The following PDIK1L variants were observed in gnomAD, a reference collection of about 807,000 sequenced individuals.
PDIK1L encodes the protein serine/threonine-protein kinase PDIK1L.
PDIK1L carries 9 observed loss-of-function variants against 27.1 expected under a neutral mutation model. The observed-to-expected ratio is 0.33, with a 90% confidence interval of 0.20 to 0.58. The LOEUF is 0.58. PDIK1L is among the 20% of genes least tolerant of loss of function. The pLI, the probability that PDIK1L is intolerant of heterozygous loss-of-function variation, is 0.86. For synonymous variants in PDIK1L, 130 were observed against 141.7 expected, an observed-to-expected ratio of 0.92 and a Z score of 0.59; for missense variants, 216 against 413.2, an observed-to-expected ratio of 0.52 and a Z score of 4.14.
chr1:26,119,424 T>A (rs61776592), intron 2 of PDIK1L, among the ~76,000 whole-genome samples: 25,058 of 149,464 alleles, frequency 0.17, 2,236 homozygotes, highest in Middle Eastern at 0.25. Context: ...TCTCTCTCTC[T>A]CACACACACA....
rs1236645453 is a variant in PDIK1L at position 26,125,544 on chromosome 1, CTG to C, written c.*2968_*2969del. The C allele has an allele frequency of 6.9e-6, 1 of 145,430 alleles. No individual in the cohort carries two copies. Among genetic ancestry groups the C allele is most frequent in the African/African-American group, 2.6e-5 (1 of 39,130 alleles). The allele number at this position is 145,430 out of a possible 1,614,324, so 9.0% of individuals were successfully genotyped here. On this transcript the variant is annotated 3_prime_UTR_variant, in exon 3 of 3. Coordinates refer to ENST00000374269, the MANE Select transcript of PDIK1L (RefSeq NM_152835.5). ...AAAGTGAGTTTCAACAAAAAAAAAACTGAAAATTCTACATTGCTGCTTTAGTG... is the reference window on the plus strand; with the variant it reads ...AAAGTGAGTTTCAACAAAAAAAAAACAAAATTCTACATTGCTGCTTTAGTG...
intron 2 of PDIK1L, among the ~76,000 whole-genome samples, chr1:26,115,725 C>T (rs185353809): frequency 3.6e-4 from 54 of 151,494 alleles, no homozygotes; most frequent in African/African-American, 9.9e-4. Context: ...TGGCGTGAAC[C>T]GGGGAGGCGG....
chr1:26,114,253 A>G lies in PDIK1L; in HGVS notation c.-17-39A>G, dbSNP rs1238729388. 3 of 1,533,704 alleles carry G rather than the reference A, an allele frequency of 2.0e-6. No homozygotes were observed. The highest frequency in any genetic ancestry group is 2.7e-6 in the Non-Finnish European group (3 of 1,129,502). On this transcript the variant is annotated intron_variant, in intron 1 of 2. Coordinates refer to ENST00000374269, the MANE Select transcript of PDIK1L (RefSeq NM_152835.5). The surrounding 1 kb of genome is among the most constrained non-coding windows in gnomAD (Gnocchi z 4.8). ...TAAGAAGAAATACAAGCCAGTAGGTATACATAATTTCAACAGAGCACTTTG... is the reference window on the plus strand; with the variant it reads ...TAAGAAGAAATACAAGCCAGTAGGTGTACATAATTTCAACAGAGCACTTTG...
rs550437899 is a variant in PDIK1L, at chr1:26,123,179, T to G, written c.*602T>G. 5.3e-5 allele frequency: 8 copies of G among 152,100 alleles called. No homozygotes were observed. In the South Asian group the frequency reaches 6.2e-4, roughly 12 times the overall value. 9.4% of individuals were successfully genotyped at this position (152,100 alleles called of 1,614,324 possible). On this transcript the variant is annotated 3_prime_UTR_variant, in exon 3 of 3. Transcript: ENST00000374269. ...CCTAATGAAATCATATTAAGTTGTT[T>G]TTTTTTTTTTTTGTAATATACAGCT... is the stretch of plus-strand genomic sequence containing the variant.
In PDIK1L at chr1:26,114,623, G is replaced by A; in HGVS notation, c.285+30G>A. Reference sequence around the variant, plus strand: ...GTGTTGTTGATTGGGAAATAGAAATGATTTGAACATGGCATTGGCCAGCAA... The same window carrying A: ...GTGTTGTTGATTGGGAAATAGAAATAATTTGAACATGGCATTGGCCAGCAA... On this transcript the variant is annotated intron_variant, in intron 2 of 2. Transcript: ENST00000374269. This position sits in a 1 kb window ranked among gnomAD's most constrained non-coding sequence, Gnocchi z 4.8. 6.2e-7 allele frequency: 1 copy of A among 1,600,516 alleles called. No individual in the cohort carries two copies. The highest frequency in any genetic ancestry group is 1.1e-5 in the South Asian group (1 of 90,348).
intron 2 of PDIK1L, among the ~76,000 whole-genome samples, chr1:26,121,165 AAAAT>A (rs1478531522): frequency 2.0e-5 from 3 of 148,480 alleles, no homozygotes; most frequent in African/African-American, 7.9e-5. Flanking sequence ...ATTTGAAAAC[AAAAT>A]AAATATTTAA....
chr1:26,114,181 C>A lies in PDIK1L; in HGVS notation c.-17-111C>A. On this transcript the variant is annotated intron_variant, in intron 1 of 2. Transcript: ENST00000374269. This position sits in a 1 kb window ranked among gnomAD's most constrained non-coding sequence, Gnocchi z 4.8. ...GATTTCCCCTAGGTATAGCAAATAT[C>A]CTTCAAGCACTGCAGACAGTCAGAC... The A allele has an allele frequency of 9.3e-7, 1 of 1,076,384 alleles. No individual in the cohort carries two copies. Among genetic ancestry groups the A allele is most frequent in the Middle Eastern group, 2.1e-4 (1 of 4,678 alleles). 66.7% of individuals were successfully genotyped at this position (1,076,384 alleles called of 1,614,324 possible).
At chr1:26,113,544 T>A (rs2087833611) in intron 1 of PDIK1L, among the ~76,000 whole-genome samples, 1 of 151,860 alleles carries the variant, frequency 6.6e-6, no homozygotes. Context: ...CCACAAACTT[T>A]ATTTTCATTA....
chr1:26,111,888 A>C lies in PDIK1L; in HGVS notation c.-45A>C, dbSNP rs1005523974. ...AATGGCGGCCTGCAGAGCCCATGAG[A>C]GGGAGAAGCGGCAGCGTCTACCCTG... On this transcript the variant is annotated 5_prime_UTR_variant, in exon 1 of 3. Transcript: ENST00000374269. This position sits in a 1 kb window ranked among gnomAD's most constrained non-coding sequence, Gnocchi z 4.0. 3 of 151,890 alleles carry C rather than the reference A, an allele frequency of 2.0e-5. No homozygotes were observed. Among genetic ancestry groups the C allele is most frequent in the African/African-American group, 4.8e-5 (2 of 41,358 alleles). The allele number at this position is 151,890 out of a possible 1,614,324, so 9.4% of individuals were successfully genotyped here. A position where few individuals can be genotyped will look rare whatever the true frequency, so the allele number is the denominator to read the frequency against.
intron 2 of PDIK1L, among the ~76,000 whole-genome samples, chr1:26,115,594 G>T (rs1375751047): frequency 6.6e-6 from 1 of 152,094 alleles, no homozygotes; most frequent in African/African-American, 2.4e-5. Flanking sequence ...GAGGTCAGGA[G>T]ATCAAGACCA....
chr1:26,112,194 A>T (rs1294841698), intron 1 of PDIK1L, among the ~76,000 whole-genome samples: 2 of 152,158 alleles, frequency 1.3e-5, no homozygotes, highest in African/African-American at 4.8e-5. Context: ...GCTTCATCTG[A>T]GCACGGCCGA....
rs2088062050 is a variant in PDIK1L, at chr1:26,125,493, ATTG to A, written c.*2919_*2921del. 6.6e-6 allele frequency: 1 copy of A among 152,300 alleles called. No homozygotes were observed. Among genetic ancestry groups the A allele is most frequent in the Non-Finnish European group, 1.5e-5 (1 of 67,942 alleles). 9.4% of individuals were successfully genotyped at this position (152,300 alleles called of 1,614,324 possible). On this transcript the variant is annotated 3_prime_UTR_variant, in exon 3 of 3. Transcript: ENST00000374269. Reference sequence around the variant, plus strand: ...TAAAAGGGGAAAATGATTGTAATTTATTGTTCATGACTTTTTTTTTTAAATAAA... The same window carrying A: ...TAAAAGGGGAAAATGATTGTAATTTATTCATGACTTTTTTTTTTAAATAAA...
chr1:26,122,648 G>C lies in PDIK1L; in HGVS notation c.*71G>C. On this transcript the variant is annotated 3_prime_UTR_variant, in exon 3 of 3. Coordinates refer to ENST00000374269, the MANE Select transcript of PDIK1L (RefSeq NM_152835.5). This position sits in a 1 kb window ranked among gnomAD's most constrained non-coding sequence, Gnocchi z 5.4. ...AACAGTGATGCAACATTATGTGGCT[G>C]AAAAAGAATATAAAAAGCTAGACTC... 6.7e-7 allele frequency: 1 copy of C among 1,489,474 alleles called. No individual in the cohort carries two copies. Among genetic ancestry groups the C allele is most frequent in the Non-Finnish European group, 9.0e-7 (1 of 1,115,138 alleles). 92.3% of individuals were successfully genotyped at this position (1,489,474 alleles called of 1,614,324 possible).
In PDIK1L at chr1:26,123,518, C is replaced by T. The variant is rs17163588; in HGVS notation, c.*941C>T. Reference sequence around the variant, plus strand: ...TATGTGTGAACTGTAATACTTGATACATTTTTGGTTTGAAGACTTTGTCTA... The same window carrying T: ...TATGTGTGAACTGTAATACTTGATATATTTTTGGTTTGAAGACTTTGTCTA... On this transcript the variant is annotated 3_prime_UTR_variant, in exon 3 of 3. Coordinates refer to ENST00000374269, the MANE Select transcript of PDIK1L (RefSeq NM_152835.5). 0.2 allele frequency: 29,995 copies of T among 152,530 alleles called. 3,428 individuals are homozygous for T. The highest frequency in any genetic ancestry group is 0.31 in the African/African-American group (12,684 of 41,446). 9.4% of individuals were successfully genotyped at this position (152,530 alleles called of 1,614,324 possible).
chr1:26,114,501 C>A lies in PDIK1L; in HGVS notation c.193C>A (p.Pro65Thr). 6.2e-7 allele frequency: 1 copy of A among 1,614,112 alleles called. No individual in the cohort carries two copies. The highest frequency in any genetic ancestry group is 1.3e-5 in the African/African-American group (1 of 75,004). The change falls in exon 2 of 3, where the codon CCA becomes ACA. Residue 65 changes from proline to threonine, a missense_variant. Pro to Thr is a conservative substitution (Grantham distance 38). Around this residue, in one of 2 missense-constraint regions of PDIK1L, gnomAD observed 169 missense variants for 366.0 expected, o/e 0.46. Transcript: ENST00000374269. The surrounding 1 kb of genome is among the most constrained non-coding windows in gnomAD (Gnocchi z 4.8). ...ACTAAGCAGTATCAAGAGCCAACATCCAAATGTGATTCACTTGGAGGAATG... is the reference window on the plus strand; with the variant it reads ...ACTAAGCAGTATCAAGAGCCAACATACAAATGTGATTCACTTGGAGGAATG... ...WALSSIKSQH[P>T]NVIHLEECIL...
At chr1:26,112,153 G>A (rs1465253807) in intron 1 of PDIK1L, among the ~76,000 whole-genome samples, 13 of 152,214 alleles carry the variant, frequency 8.5e-5, no homozygotes, top group Admixed American at 7.8e-4. Flanking sequence ...TGGCTCCTCA[G>A]AGCGAAGGGG....
chr1:26,122,740 G>A lies in PDIK1L; in HGVS notation c.*163G>A, dbSNP rs1201161397. ...CCTCATTTTTCTTAAATCCAAGTTG[G>A]CCGTTTTATTAGTATGTTTCAAATG... On this transcript the variant is annotated 3_prime_UTR_variant, in exon 3 of 3. Transcript: ENST00000374269. This position sits in a 1 kb window ranked among gnomAD's most constrained non-coding sequence, Gnocchi z 5.4. 6.0e-6 allele frequency: 5 copies of A among 836,148 alleles called. No homozygotes were observed. Among genetic ancestry groups the A allele is most frequent in the Non-Finnish European group, 8.4e-6 (5 of 593,162 alleles). 51.8% of individuals were successfully genotyped at this position (836,148 alleles called of 1,614,324 possible).
chr1:26,115,924 A>G (rs2087868669), intron 2 of PDIK1L, among the ~76,000 whole-genome samples: 1 of 151,584 alleles, frequency 6.6e-6, no homozygotes, highest in Non-Finnish European at 1.5e-5. Flanking sequence ...TGGGCTGGGC[A>G]TGGTGGCTCA....
chr1:26,117,652 A>G (rs1039320224), intron 2 of PDIK1L, among the ~76,000 whole-genome samples: 2 of 152,170 alleles, frequency 1.3e-5, no homozygotes, highest in Admixed American at 1.3e-4. Context: ...CTGAGGCAGG[A>G]GAATTGCTTG....
Sources: gnomAD v4.1 joint callset for allele counts (sites outside exome capture counted in the v4.1 genomes callset) on GRCh38, gnomAD v4.1.1 for gene constraint, gnomAD v4.1.1 regional missense constraint, Gnocchi (gnomAD v3.1) non-coding constraint, MANE v1.5 for transcripts, NCBI Gene and HGNC (gene_info 2026-07-23, HGNC 2026-07-21) for gene names.